The following ERAP1 variants were observed in gnomAD, a reference collection of about 807,000 sequenced individuals.
ERAP1 encodes the protein adipocyte-derived leucine aminopeptidase.
In ERAP1, 86 loss-of-function variants were observed where a neutral mutation model predicts 103.7. The ratio of observed to expected loss-of-function variants is 0.83; its 90% CI spans 0.70 to 0.99. The LOEUF (loss-of-function observed/expected upper bound fraction) is 0.99. Among genes scored for constraint, ERAP1 ranks in the 50% least tolerant of loss-of-function variants. The probability of loss-of-function intolerance (pLI) is 0.00; values close to 1 mark genes in which losing one functional copy is unlikely to be tolerated. For synonymous variants in ERAP1, 398 were observed against 402.4 expected, an observed-to-expected ratio of 0.99 and a Z score of 0.13; for missense variants, 1,009 against 1,128.4, an observed-to-expected ratio of 0.89 and a Z score of 1.52.
At chr5:96,767,773 A>G in intron 19 of ERAP1, 1 of 639,212 alleles carries the variant, frequency 1.6e-6, no homozygotes, top group Non-Finnish European at 2.8e-6. Context: ...ACAATACATT[A>G]TTATTAATAA....
chr5:96,901,540 AGAT>A, the ERAP1 span: 3 of 1,614,020 alleles, frequency 1.9e-6, no homozygotes, highest in Non-Finnish European at 2.5e-6. Flanking sequence ...GAGGTCAAAG[AGAT>A]GATGACTACA....
At chr5:96,853,049 G>A in the ERAP1 span, among the ~76,000 whole-genome samples, 5 of 152,090 alleles carry the variant, frequency 3.3e-5, no homozygotes, top group African/African-American at 4.8e-5. Flanking sequence ...TAGAAATCAT[G>A]CCCCTGGATT....
At chr5:96,802,829 A>C (rs1392741266) in intron 2 of ERAP1, among the ~76,000 whole-genome samples, 1 of 152,108 alleles carries the variant, frequency 6.6e-6, no homozygotes, top group Non-Finnish European at 1.5e-5. Flanking sequence ...CCTTATAAGA[A>C]GATGGAGACT....
At chr5:96,874,180 A>AAGAGAG in the ERAP1 span, among the ~76,000 whole-genome samples, 302 of 82,250 alleles carry the variant, frequency 3.7e-3, 2 homozygotes, top group African/African-American at 0.015. Flanking sequence ...GAAAGAAAGA[A>AAGAGAG]AGAGAGAGAG....
chr5:96,928,830 A>G, the ERAP1 span, among the ~76,000 whole-genome samples: 4 of 152,180 alleles, frequency 2.6e-5, no homozygotes, highest in Admixed American at 6.5e-5. Flanking sequence ...GCAATCTCGC[A>G]ATAGATAGAA....
At chr5:96,854,409 T>C in the ERAP1 span, among the ~76,000 whole-genome samples, 1 of 152,072 alleles carries the variant, frequency 6.6e-6, no homozygotes, top group Non-Finnish European at 1.5e-5. Flanking sequence ...AGCAGGTCTA[T>C]GCACTCAAAT....
chr5:96,815,436 G>A, the ERAP1 span, among the ~76,000 whole-genome samples: 2 of 145,284 alleles, frequency 1.4e-5, no homozygotes, highest in African/African-American at 5.0e-5. Context: ...TTTGAGATGG[G>A]ATTTTGCTCT....
the ERAP1 span, among the ~76,000 whole-genome samples, chr5:96,872,977 G>A: frequency 2.6e-5 from 4 of 152,062 alleles, no homozygotes; most frequent in Non-Finnish European, 5.9e-5. Context: ...ATCACCTGAG[G>A]TTAGGAGTTT....
At chr5:96,935,185 T>C in the ERAP1 span, 1 of 152,114 alleles carries the variant, frequency 6.6e-6, no homozygotes, top group Non-Finnish European at 1.5e-5. Context: ...GGTGTTGATT[T>C]AAGGCTCGGA....
chr5:96,881,415 A>G, the ERAP1 span: 1 of 456,166 alleles, frequency 2.2e-6, no homozygotes, highest in South Asian at 1.5e-5. Flanking sequence ...TGAGGGAAAT[A>G]GAAGAATCAA....
the ERAP1 span, among the ~76,000 whole-genome samples, chr5:96,815,091 A>G: frequency 5.3e-5 from 8 of 152,236 alleles, no homozygotes; most frequent in African/African-American, 1.7e-4. Flanking sequence ...AAGAGAAGGG[A>G]AAGAGACCAA....
In ERAP1 at chr5:96,774,948, A is replaced by C. The variant is rs1016958021; in HGVS notation, c.*1448T>G. The C allele has an allele frequency of 2.0e-6, 2 of 983,488 alleles. No individual in the cohort carries two copies. The highest frequency in any genetic ancestry group is 2.4e-6 in the Non-Finnish European group (2 of 828,772). 60.9% of individuals were successfully genotyped at this position (983,488 alleles called of 1,614,324 possible). ...CATCAATCATATTCCCTTATCTTGA[A>C]GTTTTTGCCTTATATTCAAAAAGTT... On this transcript the variant is annotated 3_prime_UTR_variant, in exon 19 of 19. Transcript: ENST00000443439.
the ERAP1 span, chr5:96,917,905 CAA>C: frequency 1.6e-4 from 8 of 50,268 alleles, no homozygotes; most frequent in Admixed American, 2.3e-4. Context: ...GACTCTGTCT[CAA>C]AAAAAAAAAA....
exon 20 of ERAP1, chr5:96,762,420 AAC>A: frequency 7.3e-7 from 1 of 1,363,736 alleles, no homozygotes; most frequent in Non-Finnish European, 1.0e-6. Context: ...GCGCAGCCAC[AAC>A]TAGAAAGAAA....
the ERAP1 span, among the ~76,000 whole-genome samples, chr5:96,850,897 C>T: frequency 1.3e-5 from 2 of 152,100 alleles, no homozygotes; most frequent in East Asian, 3.8e-4. Context: ...CTTTCACAAC[C>T]TATTAGTCCA....
At chr5:96,771,293 G>A (rs576260624), downstream of ERAP1, among the ~76,000 whole-genome samples, 2 of 152,262 alleles carry the variant, frequency 1.3e-5, no homozygotes, top group South Asian at 2.1e-4. Context: ...TTTATGATGA[G>A]TGGATTTACT....
chr5:96,797,139 C>A (rs759417468), intron 4 of ERAP1, 36 bp downstream of exon 4: 2 of 1,613,674 alleles, frequency 1.2e-6, no homozygotes, highest in Admixed American at 3.3e-5. Context: ...CAAACCAGAA[C>A]AAGCTGGTCA....
At chr5:96,920,306 T>TAAA in the ERAP1 span, among the ~76,000 whole-genome samples, 69 of 143,102 alleles carry the variant, frequency 4.8e-4, 1 homozygote, top group Non-Finnish European at 6.2e-4. Flanking sequence ...CCCTGTCATT[T>TAAA]AAAAAAAAAA....
At chr5:96,842,611 T>C in the ERAP1 span, among the ~76,000 whole-genome samples, 6 of 152,168 alleles carry the variant, frequency 3.9e-5, no homozygotes, top group African/African-American at 1.4e-4. Flanking sequence ...CTATTCATGT[T>C]CTTTGCCCAC....
Sources: allele counts gnomAD v4.1 joint callset (sites outside exome capture counted in the v4.1 genomes callset), GRCh38; gene constraint gnomAD v4.1.1; transcripts MANE v1.5; gene names NCBI Gene and HGNC (gene_info 2026-07-23, HGNC 2026-07-21).